PDE4D: variants seen among roughly 807,000 people sequenced by gnomAD.
PDE4D encodes the protein phosphodiesterase 4D.
Under a neutral mutation model 87.4 loss-of-function variants are expected in PDE4D, and 24 were observed. That is an observed-to-expected ratio of 0.27 (90% confidence interval 0.20 to 0.39). The LOEUF (loss-of-function observed/expected upper bound fraction) is 0.39, where lower values mean the gene tolerates loss of function less well. Ranked by LOEUF, PDE4D falls within the 10% of genes least tolerant of loss-of-function variation. PDE4D has a pLI of 1.00. For synonymous variants in PDE4D, 384 were observed against 383.2 expected (o/e 1.00, Z -0.02); for missense variants, 714 against 1,041.0 (o/e 0.69, Z 4.32).
chr5:59,040,087 AAGGTTTCTG>A (rs1759427072), intron 5 of PDE4D: 1 of 152,250 alleles, frequency 6.6e-6, no homozygotes, highest in Non-Finnish European at 1.5e-5. Context: ...TAGGACCCTC[AAGGTTTCTG>A]AGGGTTTAAG....
At chr5:59,822,127 A>C (rs1346869056) in intron 1 of PDE4D, among the ~76,000 whole-genome samples, 2 of 152,168 alleles carry the variant, frequency 1.3e-5, no homozygotes, top group South Asian at 4.1e-4. Flanking sequence ...CTGACGAAAA[A>C]TTGGTCTATT....
intron 1 of PDE4D, among the ~76,000 whole-genome samples, chr5:59,791,079 G>A (rs575112218): frequency 6.6e-6 from 1 of 152,320 alleles, no homozygotes; most frequent in Admixed American, 6.5e-5. Context: ...AGTCCTGACA[G>A]TACGTCCAGC....
chr5:60,123,624 G>C (rs534089311), intron 2 of PDE4D, among the ~76,000 whole-genome samples: 43 of 151,712 alleles, frequency 2.8e-4, no homozygotes, highest in African/African-American at 1.0e-3. Context: ...ATTTGGGTGG[G>C]GACACAGAGC....
At chr5:59,222,273 G>T (rs1228091440) in intron 1 of PDE4D, among the ~76,000 whole-genome samples, 1 of 152,138 alleles carries the variant, frequency 6.6e-6, no homozygotes, top group Non-Finnish European at 1.5e-5. Flanking sequence ...TCTGCTGAAG[G>T]TCATTTCTCA....
chr5:60,195,835 A>G (rs1382845531), intron 1 of PDE4D, among the ~76,000 whole-genome samples: 1 of 151,712 alleles, frequency 6.6e-6, no homozygotes, highest in Non-Finnish European at 1.5e-5. Context: ...TCTTGTGAAC[A>G]CTTCTCTTTA....
rs933365243 is a variant in PDE4D, at chr5:60,102,249, CT to C, written c.42+83307del. The stretch of plus-strand genomic sequence containing the variant: ...TGTTTTTTGTTTTTTTGCTTTTTTG[CT>C]TTTTTTTAGTTTTTTTAATTTTATT... On this transcript the variant is annotated intron_variant, in intron 2 of 16. Coordinates refer to the PDE4D transcript ENST00000502484. 2.6e-3 allele frequency among the ~76,000 whole-genome samples: 401 copies of C among 151,376 alleles called. 2 individuals carry two copies. The highest frequency in any genetic ancestry group is 6.8e-3 in the Middle Eastern group (2 of 294).
chr5:60,227,616 A>C (rs953990445), intron 1 of PDE4D, among the ~76,000 whole-genome samples: 6 of 127,438 alleles, frequency 4.7e-5, no homozygotes, highest in Non-Finnish European at 6.8e-5. Flanking sequence ...GGAGGGAGGA[A>C]AGGGAAGGAG....
intron 1 of PDE4D, among the ~76,000 whole-genome samples, chr5:59,403,580 T>C (rs1454106072): frequency 6.6e-6 from 1 of 152,126 alleles, no homozygotes; most frequent in Non-Finnish European, 1.5e-5. Flanking sequence ...TGTGCCTGGA[T>C]AATTTCATTT....
intron 1 of PDE4D, among the ~76,000 whole-genome samples, chr5:60,215,024 C>CA (rs941114022): frequency 3.3e-5 from 5 of 151,940 alleles, no homozygotes; most frequent in African/African-American, 1.2e-4. Context: ...ACGTTGCTAC[C>CA]AAAAAAATTC....
chr5:59,181,572 T>A (rs191686630), intron 4 of PDE4D, among the ~76,000 whole-genome samples: 27,477 of 107,848 alleles, frequency 0.25, 3,570 homozygotes, highest in African/African-American at 0.34. Context: ...ATATATATAT[T>A]AGGTATATAA....
chr5:59,341,158 T>G (rs1778655313), intron 1 of PDE4D, among the ~76,000 whole-genome samples: 1 of 152,200 alleles, frequency 6.6e-6, no homozygotes, highest in Non-Finnish European at 1.5e-5. Flanking sequence ...AGCTCTCTTG[T>G]TGGACAGCAC....
chr5:59,875,421 A>G (rs1748421269), intron 1 of PDE4D, among the ~76,000 whole-genome samples: 1 of 128,784 alleles, frequency 7.8e-6, no homozygotes, highest in East Asian at 2.4e-4. Flanking sequence ...AGATTGCGCC[A>G]CTGCACTCCA....
intron 1 of PDE4D, among the ~76,000 whole-genome samples, chr5:59,710,765 CTGTT>C (rs1033659591): frequency 1.1e-4 from 17 of 152,022 alleles, no homozygotes; most frequent in Non-Finnish European, 2.2e-4. Context: ...TCTATTCTGA[CTGTT>C]TGGATATTTA....
At chr5:59,935,247 G>C (rs941447464) in intron 3 of PDE4D, among the ~76,000 whole-genome samples, 1 of 152,006 alleles carries the variant, frequency 6.6e-6, no homozygotes, top group Admixed American at 6.6e-5. Flanking sequence ...CCAAGGAGAA[G>C]AAAGTAAGAG....
At chr5:59,971,830 A>C (rs1411344648) in intron 3 of PDE4D, among the ~76,000 whole-genome samples, 2 of 152,186 alleles carry the variant, frequency 1.3e-5, no homozygotes, top group African/African-American at 2.4e-5. Flanking sequence ...TAGAGTGATC[A>C]AGGGCTGTGA....
intron 1 of PDE4D, among the ~76,000 whole-genome samples, chr5:59,716,424 T>C (rs6861209): frequency 0.081 from 12,313 of 152,246 alleles, 1,548 homozygotes; most frequent in African/African-American, 0.27. Context: ...AGTTAGAACC[T>C]GACATCTGAC....
At chr5:59,100,660 T>C (rs940042672) in intron 5 of PDE4D, among the ~76,000 whole-genome samples, 4 of 152,216 alleles carry the variant, frequency 2.6e-5, no homozygotes, top group African/African-American at 9.6e-5. Flanking sequence ...AATGAATGAA[T>C]GTCAGTTTTC....
chr5:60,003,645 G>A (rs924193078), intron 2 of PDE4D, among the ~76,000 whole-genome samples: 4 of 150,804 alleles, frequency 2.7e-5, no homozygotes, highest in Admixed American at 6.6e-5. Context: ...GGAGGCAGAG[G>A]TTGCAGTGAG....
At chr5:59,546,724 T>C (rs989778150) in intron 1 of PDE4D, among the ~76,000 whole-genome samples, 11 of 152,278 alleles carry the variant, frequency 7.2e-5, no homozygotes, top group Admixed American at 1.3e-4. Flanking sequence ...TACCAGAATA[T>C]TGTGGCTTCA....
Sources: gnomAD v4.1 joint callset for allele counts (sites outside exome capture counted in the v4.1 genomes callset) on GRCh38, gnomAD v4.1.1 for gene constraint, MANE v1.5 for transcripts, NCBI Gene and HGNC (gene_info 2026-07-23, HGNC 2026-07-21) for gene names.